The following CATSPERB variants were observed in gnomAD, a reference collection of about 807,000 sequenced individuals.
CATSPERB encodes the protein catsper channel auxiliary subunit beta, also known as cation channel sperm-associated auxiliary subunit beta.
CATSPERB carries 93 observed loss-of-function variants against 128.3 expected under a neutral mutation model. The ratio of observed to expected loss-of-function variants is 0.72; its 90% CI spans 0.61 to 0.86. The LOEUF (loss-of-function observed/expected upper bound fraction) is 0.86. CATSPERB is among the 40% of genes least tolerant of loss of function. The pLI, the probability that CATSPERB is intolerant of heterozygous loss-of-function variation, is 0.00. For missense variants in CATSPERB, 1,153 were observed against 1,329.5 expected (o/e 0.87, Z 2.06); for synonymous variants, 381 against 448.8 (o/e 0.85, Z 1.91).
chr14:91,648,612 G>T (rs1237755251), intron 15 of CATSPERB, among the ~76,000 whole-genome samples: 2 of 75,704 alleles, frequency 2.6e-5, no homozygotes, highest in African/African-American at 9.8e-5. Flanking sequence ...GACTCAATAT[G>T]ATATATTTGT....
At chr14:91,731,462 C>G (rs1896209206) in intron 1 of CATSPERB, among the ~76,000 whole-genome samples, 2 of 152,184 alleles carry the variant, frequency 1.3e-5, no homozygotes, top group Non-Finnish European at 2.9e-5. Context: ...TTTTAGCAAG[C>G]TATTTAACTT....
intron 15 of CATSPERB, among the ~76,000 whole-genome samples, chr14:91,657,455 C>G (rs1894806929): frequency 6.6e-6 from 1 of 152,006 alleles, no homozygotes; most frequent in African/African-American, 2.4e-5. Flanking sequence ...CGACATTAAT[C>G]TAGGCAAAGA....
intron 22 of CATSPERB, chr14:91,604,771 C>T: frequency 2.5e-6 from 4 of 1,613,642 alleles, no homozygotes; most frequent in Non-Finnish European, 3.4e-6. Flanking sequence ...CCAGGCATCC[C>T]CAGTGGTAGG....
At chr14:91,691,337 G>A (rs903882150) in intron 10 of CATSPERB, among the ~76,000 whole-genome samples, 186 bp downstream of exon 10, 3 of 151,978 alleles carry the variant, frequency 2.0e-5, no homozygotes, top group East Asian at 3.9e-4. Flanking sequence ...TGGTTGCTAC[G>A]AATATATGTA....
intron 15 of CATSPERB, among the ~76,000 whole-genome samples, chr14:91,639,721 C>T (rs1336068643): frequency 6.6e-6 from 1 of 152,186 alleles, no homozygotes; most frequent in Non-Finnish European, 1.5e-5. Flanking sequence ...CGTTGAGAGG[C>T]ACTGTCAGTA....
intron 9 of CATSPERB, among the ~76,000 whole-genome samples, chr14:91,691,953 C>A (rs548634962): frequency 6.6e-6 from 1 of 151,996 alleles, no homozygotes; most frequent in African/African-American, 2.4e-5. Context: ...CCGCGATAGG[C>A]GGATCACGAG....
chr14:91,662,581 G>A (rs142463701), intron 14 of CATSPERB, among the ~76,000 whole-genome samples: 14 of 152,292 alleles, frequency 9.2e-5, no homozygotes, highest in African/African-American at 3.1e-4. Flanking sequence ...GTGGGACATA[G>A]GATATGCAAA....
At chr14:91,635,020 C>T (rs1416629972) in intron 17 of CATSPERB, among the ~76,000 whole-genome samples, 3 of 151,948 alleles carry the variant, frequency 2.0e-5, no homozygotes, top group Non-Finnish European at 4.4e-5. Flanking sequence ...GGTCCACTTT[C>T]TGGTTTATAG....
chr14:91,699,346 C>T (rs141137520), intron 7 of CATSPERB, among the ~76,000 whole-genome samples: 20 of 152,190 alleles, frequency 1.3e-4, no homozygotes, highest in African/African-American at 4.8e-4. Flanking sequence ...TCCCTTTCCC[C>T]CACATCCATA....
chr14:91,689,855 A>G (rs556842199), intron 10 of CATSPERB, among the ~76,000 whole-genome samples: 28 of 152,230 alleles, frequency 1.8e-4, no homozygotes, highest in African/African-American at 6.7e-4. Context: ...TATTCCCCAT[A>G]TTGGTTCTCC....
intron 10 of CATSPERB, among the ~76,000 whole-genome samples, chr14:91,684,389 T>C (rs940505715): frequency 1.1e-4 from 16 of 152,332 alleles, no homozygotes; most frequent in African/African-American, 3.6e-4. Context: ...CAAGCTTCAA[T>C]ATATTGAATA....
chr14:91,589,692 G>A, intron 23 of CATSPERB, 23 bp from the exon 24 acceptor site: 1 of 1,603,986 alleles, frequency 6.2e-7, no homozygotes. Context: ...TTCCAAGAAT[G>A]AATGTAAACT....
intron 17 of CATSPERB, among the ~76,000 whole-genome samples, chr14:91,633,066 T>C (rs1472958042): frequency 6.6e-6 from 1 of 152,188 alleles, no homozygotes; most frequent in Non-Finnish European, 1.5e-5. Context: ...CCTTGCCTTG[T>C]CACATTTTCA....
chr14:91,615,885 C>CTTTTTTTT (rs57018442), intron 20 of CATSPERB, among the ~76,000 whole-genome samples: 25 of 142,156 alleles, frequency 1.8e-4, no homozygotes, highest in East Asian at 1.2e-3. Flanking sequence ...TACAGTTTTC[C>CTTTTTTTT]TTTTTTTTTT....
intron 24 of CATSPERB, among the ~76,000 whole-genome samples, chr14:91,589,307 A>G (rs1673887794): frequency 6.6e-6 from 1 of 152,236 alleles, no homozygotes; most frequent in Non-Finnish European, 1.5e-5. Flanking sequence ...TTTGCAGTGT[A>G]AATTATTCAA....
intron 1 of CATSPERB, 65 bp from the exon 2 acceptor site, chr14:91,729,544 A>C (rs1174727646): frequency 9.8e-6 from 8 of 820,172 alleles, no homozygotes; most frequent in Non-Finnish European, 1.6e-5. Context: ...TCCTTTTGCT[A>C]TAAACAACTA....
At chr14:91,586,571 A>AGAAAGAG (rs374162982) in intron 26 of CATSPERB, among the ~76,000 whole-genome samples, 25 of 114,244 alleles carry the variant, frequency 2.2e-4, no homozygotes, top group African/African-American at 7.9e-4. Flanking sequence ...GAGAGAGAGA[A>AGAAAGAG]AGAGAGAGAG....
rs761121243 is a variant in CATSPERB at position 91,669,868 on chromosome 14, G to A, written c.1233C>T (p.Pro411=). The A allele has an allele frequency of 3.5e-5, 57 of 1,613,680 alleles. No homozygotes were observed. The highest frequency in any genetic ancestry group is 4.7e-5 in the Non-Finnish European group (56 of 1,179,944). Residue 411 remains proline, a synonymous_variant, in exon 14 of 27, where the codon CCC becomes CCT. Coordinates refer to ENST00000256343, the MANE Select transcript of CATSPERB (RefSeq NM_024764.4). ...TTCGGGGATGAAATACCATTCCAACGGGAGAAGAGAATGATGAAGGAAACC... is the reference window on the plus strand; with the variant it reads ...TTCGGGGATGAAATACCATTCCAACAGGAGAAGAGAATGATGAAGGAAACC... ...IFRFPSSFSS[P]VGMVFHPRSH...
intron 9 of CATSPERB, 88 bp downstream of exon 9, chr14:91,693,038 A>G (rs746368258): frequency 4.0e-5 from 37 of 925,662 alleles, no homozygotes; most frequent in East Asian, 1.5e-4. Context: ...TTTAAGATAC[A>G]CCACACATAA....
Sources: allele counts gnomAD v4.1 joint callset (sites outside exome capture counted in the v4.1 genomes callset), GRCh38; gene constraint gnomAD v4.1.1; transcripts MANE v1.5; gene names NCBI Gene and HGNC (gene_info 2026-07-23, HGNC 2026-07-21).